The following CEP128 variants were observed in gnomAD, a reference collection of about 807,000 sequenced individuals.
The protein encoded by CEP128 is centrosomal protein 128, also known as centrosomal protein 128kDa.
CEP128 carries 132 observed loss-of-function variants against 156.7 expected under a neutral mutation model. The observed-to-expected ratio is 0.84, with a 90% CI of 0.73 to 0.97. The LOEUF is 0.97. Among genes scored for constraint, CEP128 ranks in the 50% least tolerant of loss-of-function variants. CEP128 has a pLI of 0.00. For missense variants in CEP128, 1,252 were observed against 1,281.9 expected (o/e 0.98, Z 0.36); for synonymous variants, 469 against 448.9 (o/e 1.04, Z -0.57).
At chr14:80,613,500 G>A (rs1229091031) in intron 19 of CEP128, among the ~76,000 whole-genome samples, 3 of 150,504 alleles carry the variant, frequency 2.0e-5, no homozygotes, top group Non-Finnish European at 4.4e-5. Context: ...TGGTAGAGAC[G>A]GGGTTTCACC....
At chr14:80,802,910 T>C (rs182352271) in intron 13 of CEP128, among the ~76,000 whole-genome samples, 12 of 152,342 alleles carry the variant, frequency 7.9e-5, no homozygotes, top group African/African-American at 2.4e-4. Context: ...AATTCTTTTC[T>C]CATCTGAATT....
chr14:80,845,550 TG>T (rs1886557826), intron 9 of CEP128, among the ~76,000 whole-genome samples: 1 of 152,150 alleles, frequency 6.6e-6, no homozygotes, highest in Non-Finnish European at 1.5e-5. Flanking sequence ...GAGTTAGGAT[TG>T]TTGACAAATA....
chr14:80,894,703 A>C (rs1889266026), intron 8 of CEP128: 1 of 370,600 alleles, frequency 2.7e-6, no homozygotes, highest in Non-Finnish European at 5.3e-6. Flanking sequence ...ACAAAAGAAA[A>C]GTATTTTTAT....
At chr14:80,907,998 T>A (rs543716647) in intron 4 of CEP128, among the ~76,000 whole-genome samples, 1 of 152,324 alleles carries the variant, frequency 6.6e-6, no homozygotes, top group African/African-American at 2.4e-5. Flanking sequence ...ATTATTTCCA[T>A]CTTTCAAGCT....
At position 80,553,306 on chromosome 14, in the gene CEP128, G is replaced by C. The variant is rs373059641; in HGVS notation, c.2880+5973C>G. On this transcript the variant is annotated intron_variant, in intron 21 of 24. Transcript: ENST00000555265. ...GCTCCCTGTGTCCATGTGTTCTCAT[G>C]TTCAACTCCCACTTATGAGTGAGAA... Among the ~76,000 whole-genome samples, 8 of 152,140 alleles carry C rather than the reference G, an allele frequency of 5.3e-5. No homozygotes were observed. In the East Asian group the frequency reaches 1.4e-3, roughly 26 times the overall value.
intron 19 of CEP128, among the ~76,000 whole-genome samples, chr14:80,660,553 C>T (rs191018612): frequency 2.6e-4 from 39 of 152,182 alleles, no homozygotes; most frequent in African/African-American, 7.5e-4. Flanking sequence ...TATAGACAGA[C>T]GCATGCTAAA....
At chr14:80,810,790 T>C (rs1266549552) in intron 13 of CEP128, among the ~76,000 whole-genome samples, 1 of 152,230 alleles carries the variant, frequency 6.6e-6, no homozygotes, top group East Asian at 1.9e-4. Flanking sequence ...AAAGAATTTC[T>C]ATTTATTTTA....
At chr14:80,513,507 C>T (rs769402727) in intron 23 of CEP128, among the ~76,000 whole-genome samples, 12 of 151,926 alleles carry the variant, frequency 7.9e-5, no homozygotes, top group Admixed American at 2.6e-4. Context: ...TTATATCTTT[C>T]GGTAGTTTTG....
chr14:80,527,934 G>C (rs1052994196), intron 22 of CEP128, among the ~76,000 whole-genome samples: 4 of 151,470 alleles, frequency 2.6e-5, no homozygotes, highest in African/African-American at 9.7e-5. Flanking sequence ...AGTCACTATA[G>C]ACAATTATTT....
chr14:80,604,745 G>C (rs1160361963), intron 19 of CEP128, among the ~76,000 whole-genome samples: 1 of 151,862 alleles, frequency 6.6e-6, no homozygotes, highest in Non-Finnish European at 1.5e-5. Flanking sequence ...TATGCATTTG[G>C]ATCTACCACT....
At position 80,952,097 on chromosome 14, in the gene CEP128, TGAC is replaced by T. The variant is rs1025762441; in HGVS notation, c.-172+6078_-172+6080del. Among the ~76,000 whole-genome samples, 27 of 152,210 alleles carry T rather than the reference TGAC, an allele frequency of 1.8e-4. 2 individuals carry two copies. Among genetic ancestry groups the T allele is most frequent in the East Asian group, 1.3e-3 (7 of 5,196 alleles). ...AGTACCCATGTCTCAACAATTGATA[TGAC>T]AAGTAGACTTTAAAGTTAGCAAAAA... On this transcript the variant is annotated intron_variant, in intron 2 of 7. Transcript: ENST00000555529.
rs57402112 is a variant in CEP128, at chr14:80,596,819, C to CAAAAAAAAAAAAAAAA, written c.2807-16412_2807-16397dup. Among the ~76,000 whole-genome samples the CAAAAAAAAAAAAAAAA allele has an allele frequency of 5.0e-4, 7 of 14,050 alleles. 2 individuals carry two copies. Among genetic ancestry groups the CAAAAAAAAAAAAAAAA allele is most frequent in the African/African-American group, 3.1e-3 (7 of 2,272 alleles). 9.2% of individuals were successfully genotyped at this position (14,050 alleles called of 152,430 possible). On this transcript the variant is annotated intron_variant, in intron 19 of 24. Coordinates refer to ENST00000555265, the MANE Select transcript of CEP128 (RefSeq NM_152446.5). Reference sequence around the variant, plus strand: ...TCTGAGTAACAGTGAGACACTGTCACAAAAAAAAAAAAAAAAAAAAAAAGG... The same window carrying CAAAAAAAAAAAAAAAA: ...TCTGAGTAACAGTGAGACACTGTCACAAAAAAAAAAAAAAAAAAAAAAAAAAAAAAAAAAAAAAAGG...
At position 80,761,233 on chromosome 14, in the gene CEP128, C is replaced by T. The variant is rs141227218; in HGVS notation, c.2553+204G>A. On this transcript the variant is annotated intron_variant, in intron 17 of 24. Transcript: ENST00000555265. ...TTTTTTTTTACAGAGTGAGACACAG[C>T]CAATTCAATGAAATAACATCATTCG... Among the ~76,000 whole-genome samples, 299 of 151,134 alleles carry T rather than the reference C, an allele frequency of 2.0e-3. 1 individual carries two copies. Among genetic ancestry groups the T allele is most frequent in the Middle Eastern group, 3.4e-3 (1 of 294 alleles).
intron 2 of CEP128, among the ~76,000 whole-genome samples, chr14:80,925,111 T>C (rs1827854208): frequency 6.6e-6 from 1 of 151,870 alleles, no homozygotes; most frequent in African/African-American, 2.4e-5. Context: ...TAAGCTTCAA[T>C]TAGAAAGAGA....
At chr14:80,625,849 T>C (rs1368319340) in intron 19 of CEP128, among the ~76,000 whole-genome samples, 1 of 147,704 alleles carries the variant, frequency 6.8e-6, no homozygotes, top group Non-Finnish European at 1.5e-5. Flanking sequence ...TTTTTCTCTT[T>C]CTTTCCTTTC....
chr14:80,906,121 T>C, intron 4 of CEP128, 40 bp from the exon 5 acceptor site: 1 of 1,422,228 alleles, frequency 7.0e-7, no homozygotes, highest in South Asian at 1.5e-5. Flanking sequence ...TTATTCTTCT[T>C]AAACAACTTC....
intron 8 of CEP128, among the ~76,000 whole-genome samples, chr14:80,863,823 T>C (rs1266231373): frequency 1.3e-5 from 2 of 152,080 alleles, no homozygotes; most frequent in African/African-American, 4.8e-5. Flanking sequence ...AGTAAATGTA[T>C]GGAAAAAAAA....
chr14:80,730,451 G>A (rs1276821301), intron 19 of CEP128, among the ~76,000 whole-genome samples: 2 of 152,184 alleles, frequency 1.3e-5, no homozygotes, highest in African/African-American at 2.4e-5. Flanking sequence ...GGCAACTCCT[G>A]TACCATTGAC....
chr14:80,877,995 CA>C (rs1888364227), intron 8 of CEP128, among the ~76,000 whole-genome samples: 1 of 152,110 alleles, frequency 6.6e-6, no homozygotes, highest in African/African-American at 2.4e-5. Flanking sequence ...AGAGAAGTGG[CA>C]CCCCGCATGG....
Sources: allele counts gnomAD v4.1 joint callset (sites outside exome capture counted in the v4.1 genomes callset), GRCh38; gene constraint gnomAD v4.1.1; transcripts MANE v1.5; gene names NCBI Gene and HGNC (gene_info 2026-07-23, HGNC 2026-07-21).